PRKN: variants seen among roughly 807,000 people sequenced by gnomAD.
PRKN encodes the protein parkin RBR E3 ubiquitin protein ligase.
Under a neutral mutation model 59.5 loss-of-function variants are expected in PRKN, and 56 were observed. The observed-to-expected ratio is 0.94, with a 90% CI of 0.76 to 1.18. PRKN has a LOEUF of 1.18. Among genes scored for constraint, PRKN ranks in the 50% most tolerant of loss-of-function variants. PRKN has a pLI of 0.00. For missense variants in PRKN, 657 were observed against 596.4 expected (o/e 1.10, Z -1.06); for synonymous variants, 250 against 222.1 (o/e 1.13, Z -1.12).
rs557116235 is a variant in PRKN, at chr6:161,464,210, C to A, written c.1084-77333G>T. Among the ~76,000 whole-genome samples, 14 of 152,284 alleles carry A rather than the reference C, an allele frequency of 9.2e-5. No homozygotes were observed. In the South Asian group the frequency reaches 2.7e-3, roughly 29 times the overall value. On this transcript the variant is annotated intron_variant, in intron 9 of 11. Coordinates refer to ENST00000366898, the MANE Select transcript of PRKN (RefSeq NM_004562.3). ...TGTATTTTTAGTAGAGACAGGGTTTCTCCATGTTGGTCAGGCTGGTCTTAT... is the reference window on the plus strand; with the variant it reads ...TGTATTTTTAGTAGAGACAGGGTTTATCCATGTTGGTCAGGCTGGTCTTAT...
chr6:161,735,677 G>C (rs987232395), intron 7 of PRKN, among the ~76,000 whole-genome samples: 4 of 152,098 alleles, frequency 2.6e-5, no homozygotes, highest in African/African-American at 9.7e-5. Context: ...AGCACCTCGG[G>C]AGACTGAGGA....
At chr6:162,074,450 A>T (rs945278938) in intron 4 of PRKN, among the ~76,000 whole-genome samples, 3 of 149,050 alleles carry the variant, frequency 2.0e-5, no homozygotes, top group African/African-American at 7.5e-5. Flanking sequence ...TGGACACAGG[A>T]AGGGGAATAT....
intron 1 of PRKN, among the ~76,000 whole-genome samples, chr6:162,465,390 A>T (rs1415724808): frequency 1.3e-5 from 2 of 152,154 alleles, no homozygotes; most frequent in East Asian, 3.8e-4. Context: ...TTCTCTTCTT[A>T]TGAGAGATGC....
intron 6 of PRKN, among the ~76,000 whole-genome samples, chr6:161,869,104 C>A (rs565272608): frequency 6.6e-6 from 1 of 152,286 alleles, no homozygotes; most frequent in East Asian, 1.9e-4. Flanking sequence ...GATAGCTGGG[C>A]GCGATGGCTT....
At chr6:162,376,530 G>A (rs1298884147) in intron 2 of PRKN, among the ~76,000 whole-genome samples, 1 of 151,410 alleles carries the variant, frequency 6.6e-6, no homozygotes. Flanking sequence ...CTGAGGAGCC[G>A]AAGTCATCCC....
intron 1 of PRKN, among the ~76,000 whole-genome samples, chr6:162,481,557 A>T (rs1792312622): frequency 6.6e-6 from 1 of 152,198 alleles, no homozygotes; most frequent in Non-Finnish European, 1.5e-5. Context: ...AAAATTAACC[A>T]GCATGATATT....
intron 2 of PRKN, among the ~76,000 whole-genome samples, chr6:162,311,362 C>A (rs1391910408): frequency 2.6e-5 from 4 of 151,884 alleles, no homozygotes; most frequent in Non-Finnish European, 5.9e-5. Flanking sequence ...CATGAGGAAT[C>A]TGAAAATCAG....
At chr6:161,631,945 T>TA (rs931307601) in intron 7 of PRKN, among the ~76,000 whole-genome samples, 3 of 152,246 alleles carry the variant, frequency 2.0e-5, no homozygotes, top group African/African-American at 7.2e-5. Flanking sequence ...GAAAAACTAA[T>TA]AAAAAAATGT....
At chr6:161,950,758 C>T (rs1779957534) in intron 6 of PRKN, among the ~76,000 whole-genome samples, 1 of 151,932 alleles carries the variant, frequency 6.6e-6, no homozygotes, top group Non-Finnish European at 1.5e-5. Flanking sequence ...AATATTTACA[C>T]AAAATGCAAT....
At chr6:161,858,297 C>T (rs1056545698) in intron 6 of PRKN, among the ~76,000 whole-genome samples, 1 of 152,158 alleles carries the variant, frequency 6.6e-6, no homozygotes, top group Admixed American at 6.5e-5. Flanking sequence ...GGAATTTCTG[C>T]TTGCATGTAC....
intron 6 of PRKN, among the ~76,000 whole-genome samples, chr6:161,861,741 A>C (rs1793912501): frequency 6.6e-6 from 1 of 151,984 alleles, no homozygotes; most frequent in African/African-American, 2.4e-5. Context: ...TTTTCCATTC[A>C]ACTAAGATAT....
chr6:161,808,466 A>G (rs1018433722), intron 6 of PRKN, among the ~76,000 whole-genome samples: 1 of 152,226 alleles, frequency 6.6e-6, no homozygotes, highest in Non-Finnish European at 1.5e-5. Context: ...ATAGTACAGA[A>G]AATTGTAATG....
intron 7 of PRKN, among the ~76,000 whole-genome samples, chr6:161,618,956 G>C (rs530241984): frequency 6.6e-5 from 10 of 152,296 alleles, no homozygotes; most frequent in Admixed American, 6.5e-5. Flanking sequence ...TCATTCTTGA[G>C]TGGTTCTGGT....
In PRKN at chr6:162,629,609, T is replaced by C. The variant is rs564836309; in HGVS notation, c.7+98053A>G. On this transcript the variant is annotated intron_variant, in intron 1 of 11. Transcript: ENST00000366898. Reference sequence around the variant, plus strand: ...ACCAAAATATTGAATAATTTTCTTTTAGTCAACATTTTAAAATTCTTCATT... The same window carrying C: ...ACCAAAATATTGAATAATTTTCTTTCAGTCAACATTTTAAAATTCTTCATT... Among the ~76,000 whole-genome samples the C allele has an allele frequency of 8.5e-5, 13 of 152,298 alleles. No individual in the cohort carries two copies. The South Asian group carries it at 2.3e-3, about 27-fold the overall frequency.
chr6:161,775,825 A>G (rs1789900592), intron 7 of PRKN, among the ~76,000 whole-genome samples: 1 of 152,204 alleles, frequency 6.6e-6, no homozygotes, highest in South Asian at 2.1e-4. Context: ...AAACAGGATC[A>G]GAACTGTCTG....
At chr6:162,159,654 C>T (rs1562549591) in intron 4 of PRKN, among the ~76,000 whole-genome samples, 1 of 152,112 alleles carries the variant, frequency 6.6e-6, no homozygotes, top group African/African-American at 2.4e-5. Context: ...GCCAATATAA[C>T]TTTGAAAAAG....
intron 6 of PRKN, among the ~76,000 whole-genome samples, chr6:161,887,821 T>A (rs548846274): frequency 6.6e-6 from 1 of 152,300 alleles, no homozygotes; most frequent in African/African-American, 2.4e-5. Context: ...CCCATTAAGG[T>A]CGATGCGATT....
chr6:162,337,183 G>A (rs558596788), intron 2 of PRKN, among the ~76,000 whole-genome samples: 24 of 152,212 alleles, frequency 1.6e-4, no homozygotes, highest in African/African-American at 2.9e-4. Context: ...GATGCAACCT[G>A]TTGAACCATT....
intron 1 of PRKN, among the ~76,000 whole-genome samples, chr6:162,625,269 GCTCAGACAATC>G (rs1208021579): frequency 6.6e-6 from 1 of 152,184 alleles, no homozygotes; most frequent in East Asian, 1.9e-4. Context: ...TATCACTGCA[GCTCAGACAATC>G]CTCACTGATA....
Sources: allele counts gnomAD v4.1 joint callset (sites outside exome capture counted in the v4.1 genomes callset), GRCh38; gene constraint gnomAD v4.1.1; transcripts MANE v1.5; gene names NCBI Gene and HGNC (gene_info 2026-07-23, HGNC 2026-07-21).